The following ZC3H12D variants were observed in gnomAD, a reference collection of about 807,000 sequenced individuals.
ZC3H12D encodes the protein probable ribonuclease ZC3H12D.
ZC3H12D carries 11 observed loss-of-function variants against 24.2 expected under a neutral mutation model. The ratio of observed to expected loss-of-function variants is 0.46; its 90% CI spans 0.29 to 0.75. The LOEUF is 0.75. ZC3H12D is among the 30% of genes least tolerant of loss of function. The probability of loss-of-function intolerance (pLI) is 0.11; values close to 1 mark genes in which losing one functional copy is unlikely to be tolerated. For missense variants in ZC3H12D, 740 were observed against 767.7 expected (o/e 0.96, Z 0.43); for synonymous variants, 333 against 341.8 (o/e 0.97, Z 0.28).
intron 1 of ZC3H12D, among the ~76,000 whole-genome samples, chr6:149,477,516 G>A (rs1163209298): frequency 6.6e-6 from 1 of 152,208 alleles, no homozygotes; most frequent in Admixed American, 6.5e-5. Context: ...AAAAATTGTG[G>A]ACTGCCCTTT....
In ZC3H12D at chr6:149,449,894, GGTGT is replaced by G. The variant is rs950621968; in HGVS notation, c.*785_*788del. On this transcript the variant is annotated 3_prime_UTR_variant, in exon 6 of 6. Coordinates refer to ENST00000409806, the MANE Select transcript of ZC3H12D (RefSeq NM_207360.3). The stretch of plus-strand genomic sequence containing the variant: ...TTAGCCAAACAGTATGTGTCTGTGT[GGTGT>G]GTGTGAGTATGTACATGTATGATAG... 6.8e-6 allele frequency: 1 copy of G among 145,986 alleles called. No homozygotes were observed. Among genetic ancestry groups the G allele is most frequent in the African/African-American group, 2.6e-5 (1 of 38,950 alleles). The allele number at this position is 145,986 out of a possible 1,614,324, so 9.0% of individuals were successfully genotyped here. A position where few individuals can be genotyped will look rare whatever the true frequency, so the allele number is the denominator to read the frequency against.
At chr6:149,473,011 T>C (rs1377104893) in intron 2 of ZC3H12D, among the ~76,000 whole-genome samples, 3 of 151,954 alleles carry the variant, frequency 2.0e-5, no homozygotes, top group Non-Finnish European at 4.4e-5. Context: ...CTGGTGCCTA[T>C]ACATGACATG....
At chr6:149,464,662 C>G (rs1381050725) in intron 2 of ZC3H12D, among the ~76,000 whole-genome samples, 1 of 152,154 alleles carries the variant, frequency 6.6e-6, no homozygotes, top group Admixed American at 6.5e-5. Context: ...TGCCCAGCAT[C>G]GTGTCTAATA....
intron 1 of ZC3H12D, among the ~76,000 whole-genome samples, chr6:149,476,440 G>T (rs1776341828): frequency 6.6e-6 from 1 of 152,122 alleles, no homozygotes; most frequent in Non-Finnish European, 1.5e-5. Flanking sequence ...GGAGGCAGAG[G>T]CTGCAGTAAG....
intron 2 of ZC3H12D, among the ~76,000 whole-genome samples, chr6:149,468,502 G>A (rs1284352610): frequency 6.6e-6 from 1 of 152,346 alleles, no homozygotes; most frequent in African/African-American, 2.4e-5. Flanking sequence ...ATGGAGGAAG[G>A]TTGTGGCTAT....
At chr6:149,455,427 A>C (rs560474057) in intron 4 of ZC3H12D, among the ~76,000 whole-genome samples, 79 of 152,344 alleles carry the variant, frequency 5.2e-4, no homozygotes, top group African/African-American at 1.9e-3. Flanking sequence ...TCAGTCAGAG[A>C]GCCCAGAATG....
Position 149,474,286 on chromosome 6 carries a change from G to T in ZC3H12D, c.258C>A (p.Ala86=). The T allele has an allele frequency of 6.4e-7, 1 of 1,554,140 alleles. No homozygotes were observed. The highest frequency in any genetic ancestry group is 8.7e-7 in the Non-Finnish European group (1 of 1,144,798). The change falls in exon 2 of 6, where the codon GCC becomes GCA. Residue 86 remains alanine, a synonymous_variant. Transcript: ENST00000409806. ...CAATCACTATGGGTCGCAGAGAACT[G>T]GCCAGGGTTCTGAAGTCCTCTTCCA... The part of the protein sequence containing the change: ...TALEEDFRTL[A]SSLRPIVIDG...
At chr6:149,459,045 C>T (rs1776032268) in intron 3 of ZC3H12D, among the ~76,000 whole-genome samples, 1 of 152,132 alleles carries the variant, frequency 6.6e-6, no homozygotes, top group South Asian at 2.1e-4. Context: ...ACACCCTCAC[C>T]CCAGTTTGAG....
chr6:149,473,466 C>A (rs186877914), intron 2 of ZC3H12D, among the ~76,000 whole-genome samples: 9 of 152,326 alleles, frequency 5.9e-5, no homozygotes, highest in Non-Finnish European at 1.2e-4. Context: ...CTTGTTTGGG[C>A]AACGCCCCAC....
intron 2 of ZC3H12D, 86 bp downstream of exon 2, chr6:149,474,152 AC>A: frequency 8.0e-7 from 1 of 1,246,702 alleles, no homozygotes. Context: ...AGCTCTTTGG[AC>A]CAAACCACAA....
rs192993021 is a variant in ZC3H12D, at chr6:149,474,250, G to T, written c.294C>A (p.Asn98Lys). 10 of 1,481,222 alleles carry T rather than the reference G, an allele frequency of 6.8e-6. No homozygotes were observed. The highest frequency in any genetic ancestry group is 9.0e-6 in the Non-Finnish European group (10 of 1,106,124). The allele number at this position is 1,481,222 out of a possible 1,614,324, so 91.8% of individuals were successfully genotyped here. A position where few individuals can be genotyped will look rare whatever the true frequency, so the allele number is the denominator to read the frequency against. The change falls in exon 2 of 6, where the codon AAC becomes AAA. Residue 98 changes from asparagine (N) to lysine (K), a missense_variant. Coordinates refer to ENST00000409806, the MANE Select transcript of ZC3H12D (RefSeq NM_207360.3). ...SLRPIVIDGS[N>K]VAMSHGNKET... ...TGAAGGGAAGCTACCTCATCGCCAC[G>T]TTGCTGCCATCAATCACTATGGGTC...
At chr6:149,462,433 T>C (rs1160747074) in intron 2 of ZC3H12D, among the ~76,000 whole-genome samples, 4 of 152,154 alleles carry the variant, frequency 2.6e-5, no homozygotes, top group East Asian at 1.9e-4. Flanking sequence ...ATCTACACTT[T>C]AAAGATAGTT....
rs988665378 is a variant in ZC3H12D at position 149,458,884 on chromosome 6, C to T, written c.446-1984G>A. 3.9e-5 allele frequency among the ~76,000 whole-genome samples: 6 copies of T among 152,096 alleles called. No homozygotes were observed. The East Asian group carries it at 9.6e-4, about 24-fold the overall frequency. On this transcript the variant is annotated intron_variant, in intron 3 of 5. Coordinates refer to ENST00000409806, the MANE Select transcript of ZC3H12D (RefSeq NM_207360.3). ...TCATATGTTTGTATGTTTATATGGC[C>T]ATATATGTTTTCTTTTCTGTAAACA...
At chr6:149,459,494 GC>G (rs1254171855) in intron 3 of ZC3H12D, 1 of 686,922 alleles carries the variant, frequency 1.5e-6, no homozygotes, top group African/African-American at 1.8e-5. Flanking sequence ...GGGAACCACA[GC>G]CCAGAATATG....
At chr6:149,481,522 C>T (rs558316167) in intron 1 of ZC3H12D, among the ~76,000 whole-genome samples, 1 of 151,774 alleles carries the variant, frequency 6.6e-6, no homozygotes, top group East Asian at 1.9e-4. Context: ...ACTACAGGCA[C>T]ATGCCACCAC....
At chr6:149,473,711 G>A (rs948663698) in intron 2 of ZC3H12D, among the ~76,000 whole-genome samples, 2 of 152,080 alleles carry the variant, frequency 1.3e-5, no homozygotes, top group Non-Finnish European at 2.9e-5. Flanking sequence ...GGCTTCCAGC[G>A]CACTTCAAAG....
At chr6:149,478,522 T>C (rs558091942) in intron 1 of ZC3H12D, among the ~76,000 whole-genome samples, 2 of 152,196 alleles carry the variant, frequency 1.3e-5, no homozygotes, top group South Asian at 2.1e-4. Context: ...TCTAATAAAG[T>C]ACATATCCAG....
Position 149,456,081 on chromosome 6 carries a change from T to A in ZC3H12D, c.680+585A>T, listed in dbSNP as rs1394925641. Among the ~76,000 whole-genome samples the A allele has an allele frequency of 3.3e-5, 5 of 151,380 alleles. No homozygotes were observed. Among genetic ancestry groups the A allele is most frequent in the Admixed American group, 3.3e-4 (5 of 15,186 alleles). ...ATCTGGCTAACATGGTGAAACTCCA[T>A]CTCTACTAAAAATACAAAAAATTAG... On this transcript the variant is annotated intron_variant, in intron 4 of 5. Transcript: ENST00000409806. The surrounding 1 kb of genome is among the most constrained non-coding windows in gnomAD (Gnocchi z 4.3).
chr6:149,453,820 C>T (rs1463885938), intron 4 of ZC3H12D, among the ~76,000 whole-genome samples: 9 of 152,038 alleles, frequency 5.9e-5, no homozygotes, highest in Non-Finnish European at 1.3e-4. Context: ...GAAGGAGGAT[C>T]CCTGGAGTCC....
Sources: gnomAD v4.1 joint callset for allele counts (sites outside exome capture counted in the v4.1 genomes callset) on GRCh38, gnomAD v4.1.1 for gene constraint, Gnocchi (gnomAD v3.1) non-coding constraint, MANE v1.5 for transcripts, NCBI Gene and HGNC (gene_info 2026-07-23, HGNC 2026-07-21) for gene names.